The following SEMA6D variants were observed in gnomAD, a reference collection of about 807,000 sequenced individuals.
The protein encoded by SEMA6D is semaphorin 6D.
Under a neutral mutation model 106.6 loss-of-function variants are expected in SEMA6D, and 35 were observed. The observed-to-expected ratio is 0.33, with a 90% CI of 0.25 to 0.44. The LOEUF (loss-of-function observed/expected upper bound fraction) is 0.44. SEMA6D is among the 20% of genes least tolerant of loss of function. The pLI, the probability that SEMA6D is intolerant of heterozygous loss-of-function variation, is 1.00. For missense variants in SEMA6D, 1,185 were observed against 1,345.9 expected (o/e 0.88, Z 1.87); for synonymous variants, 499 against 487.7 (o/e 1.02, Z -0.31).
At chr15:47,468,429 T>G (rs1230895816) in intron 2 of SEMA6D, among the ~76,000 whole-genome samples, 1 of 152,158 alleles carries the variant, frequency 6.6e-6, no homozygotes, top group Non-Finnish European at 1.5e-5. Context: ...ATTGTCCTAC[T>G]CATGGTACTC....
At chr15:47,452,350 A>C (rs1719660851) in intron 2 of SEMA6D, among the ~76,000 whole-genome samples, 1 of 151,568 alleles carries the variant, frequency 6.6e-6, no homozygotes, top group African/African-American at 2.4e-5. Flanking sequence ...ACTCAAAGTC[A>C]CACGACTTGT....
At chr15:47,472,107 T>A (rs2042867899) in intron 3 of SEMA6D, among the ~76,000 whole-genome samples, 1 of 152,144 alleles carries the variant, frequency 6.6e-6, no homozygotes. Context: ...AAGGCAATTG[T>A]GACTGATAGG....
chr15:47,426,586 A>G (rs1463707176), intron 2 of SEMA6D, among the ~76,000 whole-genome samples: 2 of 152,162 alleles, frequency 1.3e-5, no homozygotes, highest in Non-Finnish European at 2.9e-5. Flanking sequence ...TTAAAAGCAC[A>G]GGAATACAGA....
intron 1 of SEMA6D, among the ~76,000 whole-genome samples, chr15:47,228,137 TACACAC>T (rs72361942): frequency 2.7e-4 from 36 of 135,084 alleles, no homozygotes; most frequent in South Asian, 4.6e-4. Context: ...TGTGTGTGTG[TACACAC>T]ACACACACAC....
chr15:47,727,174 A>G (rs911939626), intron 1 of SEMA6D, among the ~76,000 whole-genome samples: 4 of 152,124 alleles, frequency 2.6e-5, no homozygotes, highest in African/African-American at 9.7e-5. Flanking sequence ...ATGTCATAAA[A>G]ATTTAAGCAC....
rs2078293964 is a variant in SEMA6D at position 47,678,832 on chromosome 15, G to T, written c.-55+77936G>T. On this transcript the variant is annotated intron_variant, in intron 4 of 19. Coordinates refer to the SEMA6D transcript ENST00000558014. The stretch of plus-strand genomic sequence containing the variant: ...ATTGTATTTGTATCATATTTTATTT[G>T]ATCTTCACATAGTGTTATTGTGCAG... Among the ~76,000 whole-genome samples, 3 of 151,872 alleles carry T rather than the reference G, an allele frequency of 2.0e-5. No homozygotes were observed. In the South Asian group the frequency reaches 6.3e-4, roughly 32 times the overall value.
At chr15:47,284,284 T>C (rs2035260658) in intron 1 of SEMA6D, among the ~76,000 whole-genome samples, 1 of 152,220 alleles carries the variant, frequency 6.6e-6, no homozygotes, top group Non-Finnish European at 1.5e-5. Context: ...ATCACTCACA[T>C]CATATAATTT....
At chr15:47,313,639 A>G (rs1488609201) in intron 1 of SEMA6D, among the ~76,000 whole-genome samples, 1 of 152,090 alleles carries the variant, frequency 6.6e-6, no homozygotes, top group Non-Finnish European at 1.5e-5. Flanking sequence ...ATCATAGCTC[A>G]TTGTAACATC....
chr15:47,281,266 C>A (rs1271227453), intron 1 of SEMA6D, among the ~76,000 whole-genome samples: 1 of 130,360 alleles, frequency 7.7e-6, no homozygotes, highest in Non-Finnish European at 1.6e-5. Flanking sequence ...TGAATTGATC[C>A]CTTTACCATT....
intron 1 of SEMA6D, among the ~76,000 whole-genome samples, chr15:47,211,461 A>G (rs1350106221): frequency 6.6e-6 from 1 of 152,190 alleles, no homozygotes; most frequent in African/African-American, 2.4e-5. Flanking sequence ...ACAAAGCAGT[A>G]TATTTCCAAT....
At chr15:47,293,597 A>G (rs1378415892) in intron 1 of SEMA6D, among the ~76,000 whole-genome samples, 2 of 152,176 alleles carry the variant, frequency 1.3e-5, no homozygotes, top group African/African-American at 4.8e-5. Flanking sequence ...TTGCCATGAT[A>G]CTTTTGAGAA....
At chr15:47,538,025 C>T (rs1227393874) in intron 3 of SEMA6D, among the ~76,000 whole-genome samples, 1 of 152,044 alleles carries the variant, frequency 6.6e-6, no homozygotes, top group Non-Finnish European at 1.5e-5. Flanking sequence ...ATGTGCTCTT[C>T]AAGGAGATGA....
chr15:47,262,448 G>T (rs942456076), intron 1 of SEMA6D, among the ~76,000 whole-genome samples: 1 of 152,038 alleles, frequency 6.6e-6, no homozygotes, highest in South Asian at 2.1e-4. Flanking sequence ...TCTTCACAGG[G>T]AAGCAGGAGA....
intron 4 of SEMA6D, among the ~76,000 whole-genome samples, chr15:47,687,441 T>C (rs1246735860): frequency 6.6e-6 from 1 of 151,908 alleles, no homozygotes; most frequent in Non-Finnish European, 1.5e-5. Context: ...ACGTTTAGGC[T>C]GGAATCTAAA....
In SEMA6D at chr15:47,624,086, C is replaced by T. The variant is rs148468953; in HGVS notation, c.-55+23190C>T. Among the ~76,000 whole-genome samples the T allele has an allele frequency of 6.8e-4, 103 of 152,268 alleles. 1 individual carries two copies. Among genetic ancestry groups the T allele is most frequent in the Admixed American group, 3.1e-3 (47 of 15,302 alleles). ...CCCTCTGTCATTCAGAACTGCCGTCCGTACCCAGGAGAAATATGATCTGTC... is the reference window on the plus strand; with the variant it reads ...CCCTCTGTCATTCAGAACTGCCGTCTGTACCCAGGAGAAATATGATCTGTC... On this transcript the variant is annotated intron_variant, in intron 4 of 19. Coordinates refer to the SEMA6D transcript ENST00000558014.
At chr15:47,367,676 A>ACGCGCG (rs1466497199) in intron 1 of SEMA6D, among the ~76,000 whole-genome samples, 3 of 82,782 alleles carry the variant, frequency 3.6e-5, no homozygotes, top group Admixed American at 2.8e-4. Flanking sequence ...ACGCACGCTC[A>ACGCGCG]CACGCGCGCG....
intron 1 of SEMA6D, among the ~76,000 whole-genome samples, chr15:47,272,282 T>G (rs1411828677): frequency 6.6e-6 from 1 of 152,210 alleles, no homozygotes; most frequent in Admixed American, 6.5e-5. Context: ...AACTATATTT[T>G]TCCCATAGTA....
At chr15:47,392,964 A>G (rs1181071996) in intron 1 of SEMA6D, among the ~76,000 whole-genome samples, 1 of 152,232 alleles carries the variant, frequency 6.6e-6, no homozygotes, top group African/African-American at 2.4e-5. Flanking sequence ...GGGCACCTGC[A>G]TGTGGCATAT....
At chr15:47,503,689 TCACA>T (rs142397320) in intron 3 of SEMA6D, among the ~76,000 whole-genome samples, 3,138 of 148,658 alleles carry the variant, frequency 0.021, 113 homozygotes, top group African/African-American at 0.073. Context: ...TCTCTCTCTG[TCACA>T]CACACACACA....
Sources: gnomAD v4.1 joint callset for allele counts (sites outside exome capture counted in the v4.1 genomes callset) on GRCh38, gnomAD v4.1.1 for gene constraint, MANE v1.5 for transcripts, NCBI Gene and HGNC (gene_info 2026-07-23, HGNC 2026-07-21) for gene names.